The following NTRK3 variants were observed in gnomAD, a reference collection of about 807,000 sequenced individuals.
NTRK3 encodes the protein NT-3 growth factor receptor.
Under a neutral mutation model 91.7 loss-of-function variants are expected in NTRK3, and 24 were observed. The ratio of observed to expected loss-of-function variants is 0.26; its 90% CI spans 0.19 to 0.37. NTRK3 has a LOEUF of 0.37. NTRK3 is among the 10% of genes least tolerant of loss of function. The pLI is 1.00. For missense variants in NTRK3, 880 were observed against 1,068.9 expected (o/e 0.82, Z 2.46); for synonymous variants, 483 against 404.0 (o/e 1.20, Z -2.34).
At chr15:88,102,238 A>T (rs1334299756) in intron 13 of NTRK3, among the ~76,000 whole-genome samples, 2 of 152,202 alleles carry the variant, frequency 1.3e-5, no homozygotes, top group African/African-American at 4.8e-5. Context: ...TGTCCCCAGC[A>T]TAAGAGGCAT....
chr15:88,056,486 G>C (rs899755128), intron 13 of NTRK3, among the ~76,000 whole-genome samples: 4 of 151,936 alleles, frequency 2.6e-5, no homozygotes, highest in Non-Finnish European at 5.9e-5. Flanking sequence ...TCTGCCTCGG[G>C]GCCTTCGTTT....
chr15:88,130,205 AACAAAATAAATATCCATGAGTCC>A (rs2053670039), intron 10 of NTRK3, among the ~76,000 whole-genome samples: 2 of 152,236 alleles, frequency 1.3e-5, no homozygotes, highest in African/African-American at 4.8e-5. Context: ...CCAGCCATAG[AACAAAATAAATATCCATGAGTCC>A]ATATTGATAC....
At chr15:88,151,225 C>T (rs1295957106) in intron 5 of NTRK3, among the ~76,000 whole-genome samples, 3 of 152,144 alleles carry the variant, frequency 2.0e-5, no homozygotes, top group African/African-American at 2.4e-5. Context: ...TTCTATCTCT[C>T]GCCTGAGACT....
chr15:87,999,593 T>A (rs2141605010), intron 14 of NTRK3, among the ~76,000 whole-genome samples: 1 of 152,330 alleles, frequency 6.6e-6, no homozygotes, highest in South Asian at 2.1e-4. Context: ...GCCATGTAGA[T>A]ATTTCCCTGG....
intron 3 of NTRK3, among the ~76,000 whole-genome samples, chr15:88,208,209 G>A (rs2141379125): frequency 6.6e-6 from 1 of 152,132 alleles, no homozygotes; most frequent in South Asian, 2.1e-4. Flanking sequence ...TGCCCAGGAA[G>A]GCTTCCATCT....
chr15:88,129,075 A>C (rs1352086747), intron 10 of NTRK3, among the ~76,000 whole-genome samples: 2 of 152,250 alleles, frequency 1.3e-5, no homozygotes, highest in African/African-American at 4.8e-5. Context: ...TTAAGGACCC[A>C]AAGTGCTGGG....
exon 19 of NTRK3, chr15:87,866,942 T>C (rs1471157789): frequency 1.9e-5 from 4 of 214,240 alleles, no homozygotes; most frequent in Non-Finnish European, 2.8e-5. Flanking sequence ...TCCACTCTCA[T>C]AGGGGCCTAG....
At chr15:88,166,720 CA>C (rs2044995148) in intron 5 of NTRK3, among the ~76,000 whole-genome samples, 2 of 152,158 alleles carry the variant, frequency 1.3e-5, no homozygotes, top group South Asian at 4.1e-4. Flanking sequence ...TCAGTTACAA[CA>C]GAAAGAACAT....
intron 16 of NTRK3, among the ~76,000 whole-genome samples, chr15:87,932,681 G>A (rs778822277): frequency 6.6e-6 from 1 of 152,162 alleles, no homozygotes; most frequent in Non-Finnish European, 1.5e-5. Flanking sequence ...ATCAGAGAAG[G>A]GTGGCCCTAG....
intron 5 of NTRK3, among the ~76,000 whole-genome samples, chr15:88,156,111 C>A (rs16941334): frequency 0.26 from 40,169 of 151,984 alleles, 5,929 homozygotes; most frequent in African/African-American, 0.4. Context: ...TTTTCTTTCC[C>A]CAGATGTCAA....
chr15:87,929,703 G>A (rs1567119096), intron 16 of NTRK3, among the ~76,000 whole-genome samples: 1 of 152,170 alleles, frequency 6.6e-6, no homozygotes, highest in Non-Finnish European at 1.5e-5. Flanking sequence ...ATATTTCACT[G>A]CTTCCTAGGA....
intron 13 of NTRK3, among the ~76,000 whole-genome samples, chr15:88,035,430 C>T (rs571794778): frequency 1.3e-5 from 2 of 152,262 alleles, no homozygotes; most frequent in East Asian, 1.9e-4. Context: ...CCCATCACAC[C>T]AATCTCATCT....
At chr15:88,183,981 A>T (rs2046743553) in intron 4 of NTRK3, among the ~76,000 whole-genome samples, 1 of 152,208 alleles carries the variant, frequency 6.6e-6, no homozygotes, top group Non-Finnish European at 1.5e-5. Context: ...CCTACCTTCA[A>T]GATGGGAATT....
At chr15:88,217,334 A>T (rs1490055800) in intron 3 of NTRK3, among the ~76,000 whole-genome samples, 1 of 152,248 alleles carries the variant, frequency 6.6e-6, no homozygotes, top group Non-Finnish European at 1.5e-5. Context: ...ACAATAATCA[A>T]AGGGTTAAAG....
At chr15:87,891,499 C>T (rs1567076004) in intron 17 of NTRK3, among the ~76,000 whole-genome samples, 1 of 152,162 alleles carries the variant, frequency 6.6e-6, no homozygotes, top group Non-Finnish European at 1.5e-5. Context: ...GTCTCCTCAC[C>T]CTGTTCTCTT....
rs138025269 is a variant in NTRK3 at position 87,950,341 on chromosome 15, T to C, written c.1586-9588A>G. ...CCATTTGCAGGACACACCATTGACCTTGACAGCTACCTACAACCATGGGTC... is the reference window on the plus strand; with the variant it reads ...CCATTTGCAGGACACACCATTGACCCTGACAGCTACCTACAACCATGGGTC... On this transcript the variant is annotated intron_variant, in intron 14 of 18. Transcript: ENST00000394480. Among the ~76,000 whole-genome samples the C allele has an allele frequency of 4.1e-4, 62 of 152,320 alleles. No individual in the cohort carries two copies. The East Asian group carries it at 0.011, about 27-fold the overall frequency.
At chr15:87,925,812 T>C (rs192578950) in intron 17 of NTRK3, 1 of 175,080 alleles carries the variant, frequency 5.7e-6, no homozygotes, top group African/African-American at 2.4e-5. Flanking sequence ...AGCAGCTGCA[T>C]GATCCAGTTT....
intron 11 of NTRK3, among the ~76,000 whole-genome samples, chr15:88,128,036 A>T (rs1034962080): frequency 1.3e-5 from 2 of 152,238 alleles, no homozygotes; most frequent in African/African-American, 2.4e-5. Context: ...GGGTGTTTCT[A>T]AACAGCACCT....
chr15:88,138,342 A>T (rs1386164691), intron 6 of NTRK3, among the ~76,000 whole-genome samples: 1 of 151,474 alleles, frequency 6.6e-6, no homozygotes, highest in Non-Finnish European at 1.5e-5. Context: ...CCCAGGAGGC[A>T]GAGCTTGCAG....
Sources: allele counts gnomAD v4.1 joint callset (sites outside exome capture counted in the v4.1 genomes callset), GRCh38; gene constraint gnomAD v4.1.1; transcripts MANE v1.5; gene names NCBI Gene and HGNC (gene_info 2026-07-23, HGNC 2026-07-21).